The following KIF6 variants were observed in gnomAD, a reference collection of about 807,000 sequenced individuals.
KIF6 encodes kinesin family member 6, also known as kinesin-like protein KIF6.
Under a neutral mutation model 112.7 loss-of-function variants are expected in KIF6, and 106 were observed. That is an observed-to-expected ratio of 0.94 (90% CI 0.80 to 1.11). The LOEUF is 1.11. Among genes scored for constraint, KIF6 ranks in the 50% least tolerant of loss-of-function variants. KIF6 has a pLI of 0.00. For missense variants in KIF6, 929 were observed against 964.0 expected (o/e 0.96, Z 0.48); for synonymous variants, 339 against 339.9 (o/e 1.00, Z 0.03).
intron 13 of KIF6, among the ~76,000 whole-genome samples, chr6:39,516,588 C>G (rs1388225820): frequency 6.6e-6 from 1 of 151,342 alleles, no homozygotes; most frequent in African/African-American, 2.4e-5. Context: ...GTGGGAGAAG[C>G]CTGGGAGACT....
chr6:39,399,121 G>C (rs936424538), intron 15 of KIF6, among the ~76,000 whole-genome samples: 4 of 152,194 alleles, frequency 2.6e-5, no homozygotes, highest in African/African-American at 7.2e-5. Context: ...GAACTTGCCA[G>C]CCCCTACAAT....
In KIF6 at chr6:39,716,003, G is replaced by A. The variant is rs545514476; in HGVS notation, c.177-1237C>T. Among the ~76,000 whole-genome samples, 267 of 152,070 alleles carry A rather than the reference G, an allele frequency of 1.8e-3. 1 individual carries two copies. Among genetic ancestry groups the A allele is most frequent in the African/African-American group, 6.2e-3 (258 of 41,506 alleles). ...AGCTTTTGAGGAGAATGATGATAAC[G>A]CTGGTTCACTTCTTTTATCAGATGG... On this transcript the variant is annotated intron_variant, in intron 2 of 22. Coordinates refer to ENST00000287152, the MANE Select transcript of KIF6 (RefSeq NM_145027.6).
At chr6:39,591,204 G>A (rs545412413) in intron 7 of KIF6, among the ~76,000 whole-genome samples, 1 of 152,278 alleles carries the variant, frequency 6.6e-6, no homozygotes, top group African/African-American at 2.4e-5. Context: ...GCGCTGGGAC[G>A]GGCTCCTGGC....
chr6:39,682,602 T>C (rs1372605076), intron 3 of KIF6, among the ~76,000 whole-genome samples: 1 of 152,176 alleles, frequency 6.6e-6, no homozygotes, highest in Non-Finnish European at 1.5e-5. Flanking sequence ...TTTTTTGAGA[T>C]GGAGTCTTGC....
At chr6:39,487,055 T>C (rs1004607816) in intron 13 of KIF6, among the ~76,000 whole-genome samples, 13 of 152,108 alleles carry the variant, frequency 8.5e-5, no homozygotes, top group African/African-American at 3.1e-4. Context: ...AATACCACAG[T>C]GTGTATCAGT....
rs147963954 is a variant in KIF6 at position 39,719,987 on chromosome 6, A to G, written c.176+715T>C. Among the ~76,000 whole-genome samples the G allele has an allele frequency of 2.0e-4, 30 of 152,318 alleles. 1 individual carries two copies. In the East Asian group the frequency reaches 4.4e-3, roughly 23 times the overall value. On this transcript the variant is annotated intron_variant, in intron 2 of 22. Coordinates refer to ENST00000287152, the MANE Select transcript of KIF6 (RefSeq NM_145027.6). ...GACAGAGCAGGACCCCATCTTAAAA[A>G]TTTAAAATAAAATAAATAAAACTTT...
intron 15 of KIF6, among the ~76,000 whole-genome samples, chr6:39,409,115 A>G (rs1259398859): frequency 1.3e-5 from 2 of 152,146 alleles, no homozygotes; most frequent in Admixed American, 1.3e-4. Flanking sequence ...TAGTGCCTCT[A>G]TCAAAGTTAG....
At chr6:39,339,347 G>A (rs1238930136) in intron 22 of KIF6, among the ~76,000 whole-genome samples, 1 of 152,176 alleles carries the variant, frequency 6.6e-6, no homozygotes, top group Non-Finnish European at 1.5e-5. Context: ...TGAGAGGGAG[G>A]CTTGGGGAGG....
At chr6:39,474,392 G>A (rs1443596897) in intron 13 of KIF6, among the ~76,000 whole-genome samples, 1 of 152,198 alleles carries the variant, frequency 6.6e-6, no homozygotes, top group Non-Finnish European at 1.5e-5. Context: ...CTATTCAGGG[G>A]TTAACATATT....
intron 10 of KIF6, among the ~76,000 whole-genome samples, chr6:39,568,253 G>A (rs928871692): frequency 6.6e-6 from 1 of 152,140 alleles, no homozygotes; most frequent in African/African-American, 2.4e-5. Flanking sequence ...ACGGGGGAAG[G>A]TATATTCTAG....
chr6:39,682,874 G>GC (rs35369049), intron 3 of KIF6, among the ~76,000 whole-genome samples: 134,839 of 152,248 alleles, frequency 0.89, 60,285 homozygotes, highest in East Asian at 0.97. Flanking sequence ...CACCGCGCCA[G>GC]CGTGACTAGA....
intron 15 of KIF6, among the ~76,000 whole-genome samples, chr6:39,419,205 T>G (rs1186009138): frequency 6.6e-6 from 1 of 151,516 alleles, no homozygotes; most frequent in Non-Finnish European, 1.5e-5. Context: ...ATCACAAAAA[T>G]TAGCTGGGTG....
At chr6:39,590,451 A>ATATATAT (rs1338373703) in intron 7 of KIF6, among the ~76,000 whole-genome samples, 5 of 84,750 alleles carry the variant, frequency 5.9e-5, no homozygotes, top group African/African-American at 2.0e-4. Flanking sequence ...ATATATATAT[A>ATATATAT]TTTTTTTTTT....
At chr6:39,544,083 C>T (rs1460299336) in intron 12 of KIF6, among the ~76,000 whole-genome samples, 1 of 151,988 alleles carries the variant, frequency 6.6e-6, no homozygotes, top group Admixed American at 6.6e-5. Context: ...AGCTAAATAC[C>T]ATTTGTCATT....
intron 1 of KIF6, among the ~76,000 whole-genome samples, chr6:39,724,143 T>C (rs1790392196): frequency 6.6e-6 from 1 of 152,142 alleles, no homozygotes; most frequent in Admixed American, 6.5e-5. Flanking sequence ...AGAGGATGTT[T>C]TGAAATATTT....
In KIF6 at chr6:39,553,129, C is replaced by G. The variant is rs536330525; in HGVS notation, c.1182-7441G>C. Among the ~76,000 whole-genome samples the G allele has an allele frequency of 3.9e-5, 6 of 152,324 alleles. No individual in the cohort carries two copies. The East Asian group carries it at 7.7e-4, about 20-fold the overall frequency. On this transcript the variant is annotated intron_variant, in intron 10 of 22. Transcript: ENST00000287152. ...CCTGGTCTGTGACAGGTATTATATA[C>G]ATTATATGCTCCCCTAGCCCTAACC... is the stretch of plus-strand genomic sequence containing the variant.
At chr6:39,646,945 C>G (rs1785200020) in intron 3 of KIF6, among the ~76,000 whole-genome samples, 1 of 152,148 alleles carries the variant, frequency 6.6e-6, no homozygotes, top group South Asian at 2.1e-4. Context: ...AATAAAGTCT[C>G]TCAATCCCTC....
intron 13 of KIF6, among the ~76,000 whole-genome samples, chr6:39,508,846 T>C (rs957567709): frequency 6.6e-6 from 1 of 152,216 alleles, no homozygotes; most frequent in Non-Finnish European, 1.5e-5. Context: ...TAAATGTCCC[T>C]GCCTGCCAGC....
intron 13 of KIF6, among the ~76,000 whole-genome samples, chr6:39,462,566 C>T (rs778517063): frequency 2.6e-5 from 4 of 151,974 alleles, no homozygotes; most frequent in Non-Finnish European, 2.9e-5. Flanking sequence ...GCATGATGGG[C>T]TGGGAAGAGA....
Sources: gnomAD v4.1 joint callset for allele counts (sites outside exome capture counted in the v4.1 genomes callset) on GRCh38, gnomAD v4.1.1 for gene constraint, MANE v1.5 for transcripts, NCBI Gene and HGNC (gene_info 2026-07-23, HGNC 2026-07-21) for gene names.